The following DDX10 variants were observed in gnomAD, a reference collection of about 807,000 sequenced individuals.
DDX10 encodes the protein DEAD-box helicase 10, also known as probable ATP-dependent RNA helicase DDX10.
A neutral mutation model predicts 104.3 loss-of-function variants in DDX10; 74 were observed. The ratio of observed to expected loss-of-function variants is 0.71; its 90% CI spans 0.59 to 0.86. The LOEUF is 0.86. Among genes scored for constraint, DDX10 ranks in the 40% least tolerant of loss-of-function variants. The probability of loss-of-function intolerance (pLI) is 0.00; values close to 1 mark genes in which losing one functional copy is unlikely to be tolerated. For synonymous variants in DDX10, 351 were observed against 353.4 expected, an observed-to-expected ratio of 0.99 and a Z score of 0.08; for missense variants, 952 against 1,040.0, an observed-to-expected ratio of 0.92 and a Z score of 1.16.
At chr11:108,836,673 G>C (rs1489060564) in intron 13 of DDX10, among the ~76,000 whole-genome samples, 1 of 152,090 alleles carries the variant, frequency 6.6e-6, no homozygotes, top group African/African-American at 2.4e-5. Context: ...ATTTTTAGTA[G>C]ATTCGGGGTT....
intron 16 of DDX10, among the ~76,000 whole-genome samples, chr11:108,894,917 C>A (rs997195378): frequency 2.0e-5 from 3 of 151,420 alleles, no homozygotes; most frequent in Non-Finnish European, 4.4e-5. Flanking sequence ...TTTTTTAAAA[C>A]GGAAATTTCT....
At chr11:108,888,065 C>T (rs994476648) in intron 16 of DDX10, among the ~76,000 whole-genome samples, 4 of 151,782 alleles carry the variant, frequency 2.6e-5, no homozygotes, top group African/African-American at 4.8e-5. Context: ...GCTTATGAGC[C>T]GTATTTTTTA....
At chr11:108,840,580 G>A (rs1862623497) in intron 14 of DDX10, among the ~76,000 whole-genome samples, 1 of 152,112 alleles carries the variant, frequency 6.6e-6, no homozygotes, top group South Asian at 2.1e-4. Context: ...ATTTAGACAG[G>A]TCCCCTCATT....
intron 13 of DDX10, among the ~76,000 whole-genome samples, chr11:108,802,167 C>T (rs946132847): frequency 6.6e-6 from 1 of 151,932 alleles, no homozygotes; most frequent in Non-Finnish European, 1.5e-5. Context: ...TGCATGGGAC[C>T]AGAAGTGCTT....
At chr11:108,787,126 T>A (rs147616666) in intron 13 of DDX10, among the ~76,000 whole-genome samples, 1 of 152,324 alleles carries the variant, frequency 6.6e-6, no homozygotes, top group Non-Finnish European at 1.5e-5. Flanking sequence ...GATATGAGGT[T>A]CTTGGCTGTA....
chr11:108,795,521 G>C (rs1393245761), intron 13 of DDX10, among the ~76,000 whole-genome samples: 1 of 112,844 alleles, frequency 8.9e-6, no homozygotes, highest in African/African-American at 3.6e-5. Context: ...GCCCCAGGGT[G>C]TGATGTTGCC....
chr11:108,875,897 A>AGAT (rs1160024566), intron 16 of DDX10, among the ~76,000 whole-genome samples: 1 of 152,172 alleles, frequency 6.6e-6, no homozygotes, highest in Non-Finnish European at 1.5e-5. Flanking sequence ...GTTTTCATAC[A>AGAT]GATGATGCCT....
intron 13 of DDX10, among the ~76,000 whole-genome samples, chr11:108,801,084 T>C (rs1862014458): frequency 1.3e-5 from 2 of 152,242 alleles, no homozygotes; most frequent in Non-Finnish European, 2.9e-5. Flanking sequence ...GTGCATCTTG[T>C]CCTCATAGAA....
At chr11:108,929,352 A>AATT (rs1265046772) in intron 17 of DDX10, among the ~76,000 whole-genome samples, 1 of 152,184 alleles carries the variant, frequency 6.6e-6, no homozygotes, top group Non-Finnish European at 1.5e-5. Flanking sequence ...AGACCTGAAG[A>AATT]ATTATTGCAA....
chr11:108,834,853 G>A (rs903660359), intron 13 of DDX10, among the ~76,000 whole-genome samples: 2 of 149,170 alleles, frequency 1.3e-5, no homozygotes, highest in Admixed American at 6.8e-5. Context: ...ATGTGAACCC[G>A]GGAGGTGGAG....
At chr11:108,862,240 T>C (rs1862951195) in intron 16 of DDX10, among the ~76,000 whole-genome samples, 1 of 152,060 alleles carries the variant, frequency 6.6e-6, no homozygotes, top group South Asian at 2.1e-4. Context: ...ACTAGGCTGG[T>C]CATGAACTTC....
At chr11:108,775,693 C>G (rs1299779440) in intron 13 of DDX10, among the ~76,000 whole-genome samples, 3 of 152,124 alleles carry the variant, frequency 2.0e-5, no homozygotes, top group African/African-American at 4.8e-5. Flanking sequence ...GTTTTTGTTA[C>G]TTTCTCAATA....
intron 13 of DDX10, among the ~76,000 whole-genome samples, chr11:108,733,922 G>A (rs1046829017): frequency 1.3e-5 from 2 of 151,864 alleles, no homozygotes; most frequent in Non-Finnish European, 2.9e-5. Flanking sequence ...ATTGTCCTGC[G>A]AGACCATTCT....
intron 16 of DDX10, among the ~76,000 whole-genome samples, chr11:108,880,795 G>C (rs534763491): frequency 3.9e-4 from 60 of 152,278 alleles, no homozygotes; most frequent in Non-Finnish European, 8.2e-4. Flanking sequence ...ATTTCCTTAA[G>C]TATGTAATCA....
Position 108,723,053 on chromosome 11 carries a change from A to G in DDX10, c.1556A>G (p.Gln519Arg), listed in dbSNP as rs775952997. Residue 519 changes from glutamine to arginine, a missense_variant, in exon 13 of 18, where the codon CAA becomes CGA. Gln to Arg is a conservative substitution (Grantham distance 43). This residue lies in a region of DDX10 where 533 missense variants were observed against 534.1 expected (regional missense o/e 1.00). Transcript: ENST00000322536. ...AGATTTCTTCAGAAAATGCAGAAAC[A>G]ACCCACCAAAGAATTGGTAAGGAGC... ...RVRFLQKMQK[Q>R]PTKELVRSQA... 21 of 1,613,008 alleles carry G rather than the reference A, an allele frequency of 1.3e-5. No individual in the cohort carries two copies. Among genetic ancestry groups the G allele is most frequent in the Non-Finnish European group, 1.7e-5 (20 of 1,179,684 alleles).
intron 16 of DDX10, among the ~76,000 whole-genome samples, chr11:108,907,376 C>A (rs1863611425): frequency 6.6e-6 from 1 of 151,268 alleles, no homozygotes; most frequent in Non-Finnish European, 1.5e-5. Context: ...TGCTGTGTCC[C>A]CCAGGTTGGA....
intron 9 of DDX10, among the ~76,000 whole-genome samples, chr11:108,705,995 G>A (rs1369513900): frequency 1.3e-5 from 2 of 151,216 alleles, no homozygotes; most frequent in East Asian, 1.9e-4. Flanking sequence ...TTTTTGAGAC[G>A]GAATCTTGCT....
Position 108,715,968 on chromosome 11 carries a change from TA to T in DDX10, c.1410+4del. The T allele has an allele frequency of 1.3e-6, 2 of 1,491,030 alleles. No individual in the cohort carries two copies. The highest frequency in any genetic ancestry group is 1.9e-6 in the Non-Finnish European group (2 of 1,074,740). 92.4% of individuals were successfully genotyped at this position (1,491,030 alleles called of 1,614,324 possible). A position where few individuals can be genotyped will look rare whatever the true frequency, so the allele number is the denominator to read the frequency against. ...GATTTAAAAGAAAGAGCTCAAAGGG[TA>T]AGTCATTTTTCAGTTGGATACTTTC... On this transcript the variant is annotated splice_donor_region_variant and intron_variant, in intron 11 of 17. Coordinates refer to ENST00000322536, the MANE Select transcript of DDX10 (RefSeq NM_004398.4).
intron 1 of DDX10, among the ~76,000 whole-genome samples, chr11:108,670,148 A>G (rs1486993496): frequency 6.6e-6 from 1 of 152,192 alleles, no homozygotes; most frequent in Non-Finnish European, 1.5e-5. Flanking sequence ...TATAGAGAGA[A>G]TATATCTGAG....
Sources: gnomAD v4.1 joint callset for allele counts (sites outside exome capture counted in the v4.1 genomes callset) on GRCh38, gnomAD v4.1.1 for gene constraint, gnomAD v4.1.1 regional missense constraint, MANE v1.5 for transcripts, NCBI Gene and HGNC (gene_info 2026-07-23, HGNC 2026-07-21) for gene names.